The following PGM5 variants were observed in gnomAD, a reference collection of about 807,000 sequenced individuals.
PGM5 encodes phosphoglucomutase-like protein 5.
In PGM5, 23 loss-of-function variants were observed where a neutral mutation model predicts 59.2. The ratio of observed to expected loss-of-function variants is 0.39; its 90% CI spans 0.28 to 0.55. The LOEUF is 0.55. Among genes scored for constraint, PGM5 ranks in the 20% least tolerant of loss-of-function variants. The pLI is 0.66. For missense variants in PGM5, 574 were observed against 748.3 expected (o/e 0.77, Z 2.72); for synonymous variants, 214 against 286.0 (o/e 0.75, Z 2.54).
chr9:68,373,702 C>T (rs1554677331), intron 1 of PGM5, among the ~76,000 whole-genome samples: 2 of 152,086 alleles, frequency 1.3e-5, no homozygotes, highest in Non-Finnish European at 2.9e-5. Flanking sequence ...AATAAATAAA[C>T]CTGAAATGTA....
At position 68,475,184 on chromosome 9, in the gene PGM5, A is replaced by ATTTTTTTTTTTTTTTT. The variant is rs782687667; in HGVS notation, c.1160-4227_1160-4212dup. 2.0e-4 allele frequency among the ~76,000 whole-genome samples: 22 copies of ATTTTTTTTTTTTTTTT among 112,762 alleles called. No homozygotes were observed. The East Asian group carries it at 2.1e-3, about 11-fold the overall frequency. 74.0% of individuals were successfully genotyped at this position (112,762 alleles called of 152,430 possible). On this transcript the variant is annotated intron_variant, in intron 7 of 10. Transcript: ENST00000396396. ...ATGTGTCTGCCATCATGCCTGGCTA[A>ATTTTTTTTTTTTTTTT]TTTTTTTTTTTTTTTTTTTTTTGTA...
At chr9:68,390,555 A>T (rs1554679349) in intron 4 of PGM5, among the ~76,000 whole-genome samples, 2 of 152,130 alleles carry the variant, frequency 1.3e-5, no homozygotes, top group Non-Finnish European at 2.9e-5. Flanking sequence ...GGGCAGGCAC[A>T]ATCAAGAGAT....
chr9:68,500,804 C>T (rs1415114446), intron 10 of PGM5, among the ~76,000 whole-genome samples: 1 of 152,170 alleles, frequency 6.6e-6, no homozygotes, highest in Non-Finnish European at 1.5e-5. Context: ...TTTTCCTCAA[C>T]ATTCTTTTCC....
chr9:68,483,716 A>C, intron 8 of PGM5, 149 bp from the exon 9 acceptor site: 1 of 650,402 alleles, frequency 1.5e-6, no homozygotes, highest in Non-Finnish European at 2.7e-6. Flanking sequence ...ATGGACTGTA[A>C]GGGTCAGATG....
chr9:68,398,269 G>A (rs1488007531), intron 6 of PGM5: 1 of 152,204 alleles, frequency 6.6e-6, no homozygotes, highest in African/African-American at 2.4e-5. Flanking sequence ...TATCCTGTAA[G>A]TTTTTGCCCT....
Position 68,411,390 on chromosome 9 carries a change from TATATACACACAC to T in PGM5, c.1043+18923_1043+18934del, listed in dbSNP as rs1554681592. Among the ~76,000 whole-genome samples, 642 of 149,794 alleles carry T rather than the reference TATATACACACAC, an allele frequency of 4.3e-3. 3 individuals carry two copies. The highest frequency in any genetic ancestry group is 0.015 in the African/African-American group (601 of 40,970). ...TCTTTAAAAAGTATATATAAATATA[TATATACACACAC>T]ATATATACACACATACATGTGTGTA... On this transcript the variant is annotated intron_variant, in intron 6 of 10. Transcript: ENST00000396396.
intron 9 of PGM5, 190 bp from the exon 10 acceptor site, chr9:68,499,033 TAAAG>T (rs1824527105): frequency 3.4e-6 from 2 of 595,532 alleles, no homozygotes; most frequent in Non-Finnish European, 2.9e-6. Context: ...GGAAATAGAA[TAAAG>T]AGACAAATGG....
rs547797281 is a variant in PGM5 at position 68,446,131 on chromosome 9, A to G, written c.1044-18962A>G. On this transcript the variant is annotated intron_variant, in intron 6 of 10. Transcript: ENST00000396396. ...CCAGTATGTCCTTCCAAATATATCC[A>G]GAGGCCTGACCAAATGAAAGTGAAT... 5.9e-5 allele frequency among the ~76,000 whole-genome samples: 9 copies of G among 152,336 alleles called. No homozygotes were observed. The South Asian group carries it at 1.7e-3, about 28-fold the overall frequency.
At chr9:68,410,576 G>A (rs1822911012) in intron 6 of PGM5, among the ~76,000 whole-genome samples, 1 of 152,010 alleles carries the variant, frequency 6.6e-6, no homozygotes, top group Non-Finnish European at 1.5e-5. Context: ...AGGAGGAGGA[G>A]GAGGAGAGGA....
chr9:68,405,854 T>C (rs1250535807), intron 6 of PGM5: 1 of 152,272 alleles, frequency 6.6e-6, no homozygotes, highest in Non-Finnish European at 1.5e-5. Flanking sequence ...CAAACTTCAC[T>C]GCCAACAAAA....
At chr9:68,427,515 C>T (rs1554682767) in intron 6 of PGM5, among the ~76,000 whole-genome samples, 1 of 152,160 alleles carries the variant, frequency 6.6e-6, no homozygotes, top group East Asian at 1.9e-4. Context: ...ATCATAAGGC[C>T]ACCTGCTGTG....
intron 2 of PGM5, among the ~76,000 whole-genome samples, chr9:68,384,045 C>T (rs1454224626): frequency 1.3e-5 from 2 of 152,040 alleles, no homozygotes; most frequent in African/African-American, 2.4e-5. Flanking sequence ...CTGTCAAATG[C>T]ATATCCTGTT....
chr9:68,359,559 A>G (rs1477925475), intron 1 of PGM5, among the ~76,000 whole-genome samples: 1 of 152,242 alleles, frequency 6.6e-6, no homozygotes, highest in Non-Finnish European at 1.5e-5. Context: ...GAACTGGATA[A>G]TTATAAGCAA....
At chr9:68,504,111 A>G (rs1328699792) in intron 10 of PGM5, among the ~76,000 whole-genome samples, 3 of 152,220 alleles carry the variant, frequency 2.0e-5, no homozygotes, top group African/African-American at 7.2e-5. Context: ...TAGAATGAGC[A>G]GCACCTGTTT....
At chr9:68,463,471 T>C (rs1823888416) in intron 6 of PGM5, among the ~76,000 whole-genome samples, 1 of 152,140 alleles carries the variant, frequency 6.6e-6, no homozygotes, top group Non-Finnish European at 1.5e-5. Context: ...TCTACATCCT[T>C]CATGAAGCAC....
chr9:68,429,930 C>A (rs1282695323), intron 6 of PGM5, among the ~76,000 whole-genome samples: 2 of 152,192 alleles, frequency 1.3e-5, no homozygotes, highest in Non-Finnish European at 2.9e-5. Flanking sequence ...GGGAAGAATG[C>A]CAGTGATCTT....
intron 9 of PGM5, among the ~76,000 whole-genome samples, chr9:68,490,475 C>A (rs1177747036): frequency 6.6e-6 from 1 of 152,192 alleles, no homozygotes; most frequent in African/African-American, 2.4e-5. Context: ...CTGCCTCAGC[C>A]CCCCGAGTAG....
At chr9:68,509,437 C>A (rs1017016774) in intron 10 of PGM5, among the ~76,000 whole-genome samples, 6 of 152,190 alleles carry the variant, frequency 3.9e-5, no homozygotes, top group African/African-American at 1.4e-4. Context: ...ACTATACCAT[C>A]ATGATATGAG....
intron 7 of PGM5, among the ~76,000 whole-genome samples, chr9:68,473,095 T>C (rs782328759): frequency 6.6e-6 from 1 of 152,184 alleles, no homozygotes; most frequent in African/African-American, 2.4e-5. Context: ...TATCTATCAG[T>C]CTACCGATCG....
Sources: gnomAD v4.1 joint callset for allele counts (sites outside exome capture counted in the v4.1 genomes callset) on GRCh38, gnomAD v4.1.1 for gene constraint, MANE v1.5 for transcripts, NCBI Gene and HGNC (gene_info 2026-07-23, HGNC 2026-07-21) for gene names.